Variants in CPQ observed in about 807,000 individuals in gnomAD.
The protein encoded by CPQ is carboxypeptidase Q, also known as Ser-Met dipeptidase.
CPQ carries 37 observed loss-of-function variants against 45.7 expected under a neutral mutation model. The observed-to-expected ratio is 0.81, with a 90% confidence interval of 0.62 to 1.07. The LOEUF (loss-of-function observed/expected upper bound fraction) is 1.07. CPQ is among the 50% of genes least tolerant of loss of function. The probability of loss-of-function intolerance (pLI) is 0.00; values close to 1 mark genes in which losing one functional copy is unlikely to be tolerated. For synonymous variants in CPQ, 186 were observed against 205.8 expected (o/e 0.90, Z 0.82); for missense variants, 537 against 572.9 (o/e 0.94, Z 0.64).
rs534470288 is a variant in CPQ at position 97,067,842 on chromosome 8, G to A, written c.1255+1632G>A. On this transcript the variant is annotated intron_variant, in intron 7 of 7. Transcript: ENST00000220763. ...CTACATATGTGTCATTGATAAACAT[G>A]ATCTAAGTGTAGGGGAGAGAGTCTG... 2.0e-5 allele frequency among the ~76,000 whole-genome samples: 3 copies of A among 152,284 alleles called. No homozygotes were observed. In the South Asian group the frequency reaches 6.2e-4, roughly 32 times the overall value.
intron 1 of CPQ, among the ~76,000 whole-genome samples, chr8:96,738,506 A>G (rs1367105207): frequency 1.3e-5 from 2 of 151,790 alleles, no homozygotes; most frequent in Non-Finnish European, 2.9e-5. Flanking sequence ...CATGTGCACA[A>G]TGTGCAGGTT....
At chr8:96,744,047 G>A (rs573091789) in intron 1 of CPQ, among the ~76,000 whole-genome samples, 8 of 152,284 alleles carry the variant, frequency 5.3e-5, no homozygotes, top group Non-Finnish European at 1.0e-4. Flanking sequence ...AAGCAAGCCT[G>A]GGCAATGGCG....
intron 3 of CPQ, among the ~76,000 whole-genome samples, chr8:96,857,658 T>C (rs919947707): frequency 1.3e-5 from 2 of 152,212 alleles, no homozygotes; most frequent in African/African-American, 4.8e-5. Context: ...AGTCAATAAA[T>C]ATTTATTACC....
intron 4 of CPQ, among the ~76,000 whole-genome samples, chr8:96,949,030 C>T (rs1159833025): frequency 4.6e-5 from 7 of 152,016 alleles, no homozygotes; most frequent in Non-Finnish European, 8.8e-5. Flanking sequence ...GTATGTCTCA[C>T]TAAGTCTAAA....
At chr8:96,931,017 C>A (rs10108013) in intron 4 of CPQ, among the ~76,000 whole-genome samples, 12,213 of 152,188 alleles carry the variant, frequency 0.08, 955 homozygotes, top group African/African-American at 0.21. Context: ...AGTGTTCTTC[C>A]CCTGTCTTCT....
intron 4 of CPQ, among the ~76,000 whole-genome samples, chr8:96,910,315 T>C (rs1020878827): frequency 9.9e-5 from 15 of 152,202 alleles, no homozygotes; most frequent in African/African-American, 3.6e-4. Context: ...AGGCTTTTGC[T>C]TACTATGTCA....
chr8:96,711,751 C>G (rs1324260420), intron 1 of CPQ, among the ~76,000 whole-genome samples: 1 of 152,076 alleles, frequency 6.6e-6, no homozygotes, highest in Non-Finnish European at 1.5e-5. Context: ...ATTATGGGAA[C>G]TATAACTCGG....
Position 96,879,807 on chromosome 8 carries a change from A to G in CPQ, c.651A>G (p.Thr217=). 6.2e-7 allele frequency: 1 copy of G among 1,613,534 alleles called. No individual in the cohort carries two copies. Among genetic ancestry groups the G allele is most frequent in the Non-Finnish European group, 8.5e-7 (1 of 1,179,468 alleles). Reference sequence around the variant, plus strand: ...GGCTTCTTCTCTCAAGTCCTCACACAGGTATTCAGGAATACCAGGATGGCG... The same window carrying G: ...GGCTTCTTCTCTCAAGTCCTCACACGGGTATTCAGGAATACCAGGATGGCG... ...VASFSIYSPH[T]GIQEYQDGVP... Residue 217 remains threonine (T), a synonymous_variant, in exon 4 of 8, where the codon ACA becomes ACG. Transcript: ENST00000220763.
At chr8:96,986,399 A>T (rs911262339) in intron 5 of CPQ, among the ~76,000 whole-genome samples, 2 of 152,222 alleles carry the variant, frequency 1.3e-5, no homozygotes, top group Non-Finnish European at 2.9e-5. Flanking sequence ...ATCAGCTCTC[A>T]AAGATTTTCA....
chr8:96,747,438 T>A (rs1810202639), intron 1 of CPQ, among the ~76,000 whole-genome samples: 1 of 152,134 alleles, frequency 6.6e-6, no homozygotes, highest in African/African-American at 2.4e-5. Context: ...GTGAGTGTGC[T>A]GTAACCTGAG....
At chr8:96,809,583 G>A (rs1385196865) in intron 2 of CPQ, among the ~76,000 whole-genome samples, 1 of 152,102 alleles carries the variant, frequency 6.6e-6, no homozygotes, top group African/African-American at 2.4e-5. Context: ...CAGGGGCCGG[G>A]GTCAGGGGAG....
At chr8:96,982,742 T>C (rs971304271) in intron 5 of CPQ, among the ~76,000 whole-genome samples, 1 of 152,204 alleles carries the variant, frequency 6.6e-6, no homozygotes, top group African/African-American at 2.4e-5. Flanking sequence ...ACAGACTGTA[T>C]CTAGTTCTGA....
chr8:96,742,550 G>A (rs567015187), intron 1 of CPQ, among the ~76,000 whole-genome samples: 2 of 152,042 alleles, frequency 1.3e-5, no homozygotes, highest in African/African-American at 4.8e-5. Context: ...CTCCTTAGTT[G>A]ATGCAGTTTC....
intron 5 of CPQ, among the ~76,000 whole-genome samples, chr8:96,972,589 ACT>A (rs1312519872): frequency 1.3e-5 from 2 of 151,848 alleles, no homozygotes; most frequent in Non-Finnish European, 1.5e-5. Context: ...CAAAACCAAC[ACT>A]CTAAACAAAA....
intron 3 of CPQ, among the ~76,000 whole-genome samples, chr8:96,860,691 C>T (rs749040439): frequency 6.6e-6 from 1 of 152,122 alleles, no homozygotes; most frequent in African/African-American, 2.4e-5. Flanking sequence ...TGCCTTGGTT[C>T]TCCTTTCACT....
intron 7 of CPQ, among the ~76,000 whole-genome samples, chr8:97,115,500 C>T (rs181227634): frequency 9.8e-5 from 15 of 152,332 alleles, no homozygotes; most frequent in Admixed American, 6.5e-4. Context: ...GGAATATCCT[C>T]AGCTGACTCA....
At chr8:96,964,173 TACACACACACACAC>T (rs71267285) in intron 4 of CPQ, among the ~76,000 whole-genome samples, 19 of 133,462 alleles carry the variant, frequency 1.4e-4, no homozygotes, top group East Asian at 8.8e-4. Context: ...GGTTAAAGTA[TACACACACACACAC>T]ACACACACAC....
At chr8:96,775,806 A>G (rs1810597566) in intron 1 of CPQ, among the ~76,000 whole-genome samples, 1 of 152,156 alleles carries the variant, frequency 6.6e-6, no homozygotes, top group African/African-American at 2.4e-5. Context: ...ACTAGTTACC[A>G]GTAGAATCTC....
At chr8:96,682,251 G>A (rs996996848) in intron 1 of CPQ, among the ~76,000 whole-genome samples, 2 of 152,154 alleles carry the variant, frequency 1.3e-5, no homozygotes, top group African/African-American at 4.8e-5. Flanking sequence ...CCCAGTGGGA[G>A]GTAATTGAAT....
Sources: gnomAD v4.1 joint callset for allele counts (sites outside exome capture counted in the v4.1 genomes callset) on GRCh38, gnomAD v4.1.1 for gene constraint, MANE v1.5 for transcripts, NCBI Gene and HGNC (gene_info 2026-07-23, HGNC 2026-07-21) for gene names.